GOLPH3: variants seen among roughly 807,000 people sequenced by gnomAD.
GOLPH3 encodes coat protein GPP34.
GOLPH3 carries 14 observed loss-of-function variants against 28.5 expected under a neutral mutation model. The ratio of observed to expected loss-of-function variants is 0.49; its 90% CI spans 0.32 to 0.77. The LOEUF (loss-of-function observed/expected upper bound fraction) is 0.77, where lower values mean the gene tolerates loss of function less well. GOLPH3 is among the 30% of genes least tolerant of loss of function. The pLI is 0.03. For missense variants in GOLPH3, 350 were observed against 393.7 expected (o/e 0.89, Z 0.94); for synonymous variants, 158 against 159.2 (o/e 0.99, Z 0.06).
At chr5:32,154,933 A>C (rs1746385040) in intron 1 of GOLPH3, among the ~76,000 whole-genome samples, 1 of 152,088 alleles carries the variant, frequency 6.6e-6, no homozygotes. Context: ...AAATACAAAA[A>C]TTAGCCAGGC....
intron 1 of GOLPH3, among the ~76,000 whole-genome samples, chr5:32,170,171 TCA>T (rs1240552940): frequency 1.3e-5 from 2 of 152,132 alleles, no homozygotes; most frequent in African/African-American, 2.4e-5. Context: ...AAGGACAATC[TCA>T]CACGATATGG....
At chr5:32,150,857 C>CT (rs1158664425) in intron 1 of GOLPH3, among the ~76,000 whole-genome samples, 4 of 152,144 alleles carry the variant, frequency 2.6e-5, no homozygotes, top group Non-Finnish European at 5.9e-5. Context: ...ATAAAAATGT[C>CT]ATCACAAATC....
At chr5:32,145,609 C>G (rs1174571708) in intron 1 of GOLPH3, among the ~76,000 whole-genome samples, 1 of 152,130 alleles carries the variant, frequency 6.6e-6, no homozygotes, top group Non-Finnish European at 1.5e-5. Context: ...CGTGAACAGC[C>G]CTACAGCCTG....
At chr5:32,146,399 G>C (rs1012086100) in intron 1 of GOLPH3, among the ~76,000 whole-genome samples, 1 of 152,142 alleles carries the variant, frequency 6.6e-6, no homozygotes, top group African/African-American at 2.4e-5. Context: ...ATAAGGATGG[G>C]AGAGGACAGA....
chr5:32,127,584 C>T (rs1336707889), intron 3 of GOLPH3, among the ~76,000 whole-genome samples: 1 of 152,172 alleles, frequency 6.6e-6, no homozygotes, highest in Admixed American at 6.5e-5. Context: ...CCACATTTCA[C>T]GTATACAATA....
chr5:32,168,922 GTACTC>G (rs1262010643), intron 1 of GOLPH3, among the ~76,000 whole-genome samples: 3 of 151,580 alleles, frequency 2.0e-5, no homozygotes, highest in African/African-American at 7.3e-5. Flanking sequence ...TCTCGCCACT[GTACTC>G]TAGCCTGGCG....
intron 1 of GOLPH3, among the ~76,000 whole-genome samples, chr5:32,165,054 C>A (rs1252219278): frequency 6.6e-6 from 1 of 151,684 alleles, no homozygotes; most frequent in African/African-American, 2.4e-5. Context: ...TGCATACCAC[C>A]CTGCCTGGCT....
At chr5:32,167,574 G>A (rs908139779) in intron 1 of GOLPH3, among the ~76,000 whole-genome samples, 2 of 152,132 alleles carry the variant, frequency 1.3e-5, no homozygotes, top group African/African-American at 4.8e-5. Flanking sequence ...TATGAGATGA[G>A]TTAGTGAATA....
chr5:32,143,609 A>G (rs1202863154), intron 2 of GOLPH3, 140 bp downstream of exon 2: 1 of 753,066 alleles, frequency 1.3e-6, no homozygotes, highest in African/African-American at 1.9e-5. Flanking sequence ...CCAAGAATGC[A>G]AAAAAGATAT....
Position 32,126,155 on chromosome 5 carries a change from A to G in GOLPH3, c.*57T>C. ...AAATTACAGAAAACCAGAAGTCAAC[A>G]GAAGAAAAACTACTGGTTTACTTGA... On this transcript the variant is annotated 3_prime_UTR_variant, in exon 4 of 4. Transcript: ENST00000265070. 1 of 1,500,002 alleles carries G rather than the reference A, an allele frequency of 6.7e-7. No individual in the cohort carries two copies. Among genetic ancestry groups the G allele is most frequent in the Non-Finnish European group, 9.0e-7 (1 of 1,109,056 alleles). 92.9% of individuals were successfully genotyped at this position (1,500,002 alleles called of 1,614,324 possible).
chr5:32,162,288 A>G (rs112995128), intron 1 of GOLPH3, among the ~76,000 whole-genome samples: 6 of 149,178 alleles, frequency 4.0e-5, no homozygotes, highest in Non-Finnish European at 8.9e-5. Context: ...GTCAGGAGAT[A>G]GAGACCATCC....
Position 32,173,867 on chromosome 5 carries a change from C to T in GOLPH3, c.168G>A (p.Lys56=), listed in dbSNP as rs754630752. The change falls in exon 1 of 4, where the codon AAG becomes AAA. Residue 56 remains lysine (K), a synonymous_variant. Transcript: ENST00000265070. ...CCTCCATCAGGGTCAGCCGCGTTTCCTTGGAGTCGCCCTTGTCGTCGTCGT... is the reference window on the plus strand; with the variant it reads ...CCTCCATCAGGGTCAGCCGCGTTTCTTTGGAGTCGCCCTTGTCGTCGTCGT... ...EQDDDDKGDS[K]ETRLTLMEEV... is the part of the protein sequence containing the mutation. The T allele has an allele frequency of 1.3e-6, 2 of 1,528,432 alleles. No individual in the cohort carries two copies. Among genetic ancestry groups the T allele is most frequent in the Non-Finnish European group, 1.8e-6 (2 of 1,140,792 alleles). 94.7% of individuals were successfully genotyped at this position (1,528,432 alleles called of 1,614,324 possible). A position where few individuals can be genotyped will look rare whatever the true frequency, so the allele number is the denominator to read the frequency against.
chr5:32,149,789 G>A (rs937176183), intron 1 of GOLPH3, among the ~76,000 whole-genome samples: 36 of 152,276 alleles, frequency 2.4e-4, no homozygotes, highest in African/African-American at 6.7e-4. Flanking sequence ...CTGAGGTCAC[G>A]AGTTCAAGAC....
At chr5:32,139,580 C>A (rs1218580405) in intron 2 of GOLPH3, among the ~76,000 whole-genome samples, 28 of 152,254 alleles carry the variant, frequency 1.8e-4, no homozygotes, top group Admixed American at 1.8e-3. Context: ...CTGCTTACAA[C>A]TTTTCAATGA....
chr5:32,133,351 T>C (rs1425399959), intron 3 of GOLPH3, among the ~76,000 whole-genome samples: 34 of 152,204 alleles, frequency 2.2e-4, no homozygotes, highest in Admixed American at 2.2e-3. Context: ...CTACATTCCA[T>C]AAAAAGAATC....
intron 3 of GOLPH3, among the ~76,000 whole-genome samples, chr5:32,128,860 G>T (rs1368886627): frequency 6.6e-6 from 1 of 150,742 alleles, no homozygotes; most frequent in Non-Finnish European, 1.5e-5. Flanking sequence ...CCTAAAACTA[G>T]GGGTAAGGGG....
intron 1 of GOLPH3, among the ~76,000 whole-genome samples, chr5:32,165,302 G>A (rs1746685907): frequency 6.6e-6 from 1 of 152,112 alleles, no homozygotes. Flanking sequence ...TATAGAACAG[G>A]CCAGGCAGGG....
intron 3 of GOLPH3, chr5:32,134,772 C>T (rs979673279): frequency 6.6e-6 from 1 of 152,126 alleles, no homozygotes; most frequent in Admixed American, 6.6e-5. Context: ...TTACAGCTAA[C>T]TGATCACAAG....
chr5:32,150,744 A>G (rs1746285523), intron 1 of GOLPH3, among the ~76,000 whole-genome samples: 2 of 152,152 alleles, frequency 1.3e-5, no homozygotes, highest in Non-Finnish European at 2.9e-5. Flanking sequence ...AAATGCTCCA[A>G]TGAGCATTTT....
Sources: allele counts gnomAD v4.1 joint callset (sites outside exome capture counted in the v4.1 genomes callset), GRCh38; gene constraint gnomAD v4.1.1; transcripts MANE v1.5; gene names NCBI Gene and HGNC (gene_info 2026-07-23, HGNC 2026-07-21).